The following UBQLN2 variants were observed in gnomAD, a reference collection of about 807,000 sequenced individuals.
UBQLN2 encodes ubiquilin-2.
Under a neutral mutation model 22.2 loss-of-function variants are expected in UBQLN2, and 2 were observed. That is an observed-to-expected ratio of 0.09 (90% CI 0.04 to 0.28). The LOEUF is 0.28. Among genes scored for constraint, UBQLN2 ranks in the 10% least tolerant of loss-of-function variants. The probability of loss-of-function intolerance (pLI) is 1.00; values close to 1 mark genes in which losing one functional copy is unlikely to be tolerated. For synonymous variants in UBQLN2, 252 were observed against 206.7 expected (o/e 1.22, Z -1.88); for missense variants, 446 against 505.1 (o/e 0.88, Z 1.12).
rs748203760 is a variant in UBQLN2, at chrX:56,565,586, T to C, written c.1713T>C (p.Asn571=). 3 of 1,212,018 alleles carry C rather than the reference T, an allele frequency of 2.5e-6. No individual in the cohort carries two copies. Among genetic ancestry groups the C allele is most frequent in the Non-Finnish European group, 3.3e-6 (3 of 895,596 alleles). The change falls in exon 1 of 1, where the codon AAT becomes AAC. Residue 571 remains asparagine, a synonymous_variant. Coordinates refer to ENST00000338222, the MANE Select transcript of UBQLN2 (RefSeq NM_013444.4). The part of the protein sequence containing the change: ...QQMVQALAGA[N]APQLPNPEVR... ...TGGTGCAGGCCCTGGCTGGAGCAAA[T>C]GCTCCACAGCTGCCGAATCCAGAAG...
chrX:56,566,432 G>T lies in UBQLN2; in HGVS notation c.*684G>T, dbSNP rs1047507995. The T allele has an allele frequency of 8.1e-6, 1 of 123,455 alleles. No individual in the cohort carries two copies. Among genetic ancestry groups the T allele is most frequent in the African/African-American group, 3.2e-5 (1 of 30,898 alleles). The allele number at this position is 123,455 out of a possible 1,213,427, so 10.2% of individuals were successfully genotyped here. On this transcript the variant is annotated 3_prime_UTR_variant, in exon 1 of 1. Coordinates refer to ENST00000338222, the MANE Select transcript of UBQLN2 (RefSeq NM_013444.4). ...TTACAGTAGAATCTGAGTGTAATAT[G>T]TGTAACCAAAATGAGAAAGAATACA...
rs750470322 is a variant in UBQLN2, at chrX:56,564,691, C to G, written c.818C>G (p.Thr273Ser). Residue 273 changes from threonine to serine, a missense_variant, in exon 1 of 1, where the codon ACT becomes AGT. Physicochemically the swap from Thr to Ser is moderately conservative, Grantham distance 58. Around this residue, in one of 3 missense-constraint regions of UBQLN2, gnomAD observed 129 missense variants for 198.1 expected, o/e 0.65. Transcript: ENST00000338222. ...GGYNALRRMYTDIQEPMLNAA... is the reference protein window; with the variant it reads ...GGYNALRRMYSDIQEPMLNAA... ...TATAATGCTTTACGGCGCATGTACA[C>G]TGACATTCAAGAGCCGATGCTGAAT... is the stretch of plus-strand genomic sequence containing the variant. The G allele has an allele frequency of 8.3e-6, 10 of 1,211,488 alleles. No individual in the cohort carries two copies. Among genetic ancestry groups the G allele is most frequent in the Non-Finnish European group, 1.1e-5 (10 of 895,277 alleles).
At position 56,565,028 on chromosome X, in the gene UBQLN2, T is replaced by C; in HGVS notation, c.1155T>C (p.Asn385=). 1 of 1,212,004 alleles carries C rather than the reference T, an allele frequency of 8.3e-7. No individual in the cohort carries two copies. Among genetic ancestry groups the C allele is most frequent in the Non-Finnish European group, 1.1e-6 (1 of 895,519 alleles). The change falls in exon 1 of 1, where the codon AAT becomes AAC. Residue 385 remains asparagine, a synonymous_variant. Transcript: ENST00000338222. ...QITENPQLIQ[N]MLSAPYMRSM... ...CTGAAAACCCCCAGCTGATTCAGAATATGCTGTCGGCGCCCTACATGAGAA... is the reference window on the plus strand; with the variant it reads ...CTGAAAACCCCCAGCTGATTCAGAACATGCTGTCGGCGCCCTACATGAGAA...
In UBQLN2 at chrX:56,567,448, G is replaced by T. The variant is rs2068648018; in HGVS notation, c.*1700G>T. ...TCTCTTAAATTGATATGACTGTGAG[G>T]ACTACAGAATTGCATTGCTTTCCAG... On this transcript the variant is annotated 3_prime_UTR_variant, in exon 1 of 1. Transcript: ENST00000338222. 8.1e-6 allele frequency: 1 copy of T among 122,986 alleles called. No individual in the cohort carries two copies. The highest frequency in any genetic ancestry group is 3.3e-5 in the African/African-American group (1 of 30,728). 10.1% of individuals were successfully genotyped at this position (122,986 alleles called of 1,213,427 possible). A position where few individuals can be genotyped will look rare whatever the true frequency, so the allele number is the denominator to read the frequency against.
chrX:56,563,935 A>C lies in UBQLN2; in HGVS notation c.62A>C (p.Gln21Pro). Reference protein sequence around the residue: ...PRPSRGPAAAQGSAAAPAEPK... With the variant: ...PRPSRGPAAAPGSAAAPAEPK... ...CCCTCCCGCGGCCCTGCTGCGGCCC[A>C]AGGCTCGGCTGCTGCCCCGGCTGAG... Residue 21 changes from glutamine (Q) to proline (P), a missense_variant, in exon 1 of 1, where the codon CAA becomes CCA. Physicochemically the swap from Gln to Pro is moderately conservative, Grantham distance 76. Around this residue, in one of 3 missense-constraint regions of UBQLN2, gnomAD observed 39 missense variants for 27.6 expected, o/e 1.41. Transcript: ENST00000338222. 1 of 1,159,579 alleles carries C rather than the reference A, an allele frequency of 8.6e-7. No individual in the cohort carries two copies. Among genetic ancestry groups the C allele is most frequent in the East Asian group, 3.2e-5 (1 of 31,407 alleles).
Position 56,565,400 on chromosome X carries a change from C to A in UBQLN2, c.1527C>A (p.Pro509=), listed in dbSNP as rs749262406. ...TAGGCCCTATAGTCCCTTTTACCCCCATAGGCCCCATTGGGCCCATAGGAC... is the reference window on the plus strand; with the variant it reads ...TAGGCCCTATAGTCCCTTTTACCCCAATAGGCCCCATTGGGCCCATAGGAC... The part of the protein sequence containing the change: ...GPIGPIVPFT[P]IGPIGPIGPT... The change falls in exon 1 of 1, where the codon CCC becomes CCA. Residue 509 remains proline, a synonymous_variant. Coordinates refer to ENST00000338222, the MANE Select transcript of UBQLN2 (RefSeq NM_013444.4). 1 of 1,196,045 alleles carries A rather than the reference C, an allele frequency of 8.4e-7. No homozygotes were observed. Among genetic ancestry groups the A allele is most frequent in the South Asian group, 1.8e-5 (1 of 55,252 alleles).
chrX:56,564,859 C>G lies in UBQLN2; in HGVS notation c.986C>G (p.Ser329Cys). The G allele has an allele frequency of 1.7e-6, 2 of 1,211,432 alleles. No individual in the cohort carries two copies. The highest frequency in any genetic ancestry group is 2.2e-6 in the Non-Finnish European group (2 of 895,342). Residue 329 changes from serine (S) to cysteine (C), a missense_variant, in exon 1 of 1, where the codon TCT becomes TGT. By Grantham distance (112) the Ser-to-Cys change is moderately radical (BLOSUM62 -1). Coordinates refer to ENST00000338222, the MANE Select transcript of UBQLN2 (RefSeq NM_013444.4). ...PWAPPPATQS[S>C]ATTSTTTSTG... ...GCACCACCGCCAGCTACCCAGAGTT[C>G]TGCAACTACCAGCACGACCACAAGC... is the stretch of plus-strand genomic sequence containing the variant.
rs2068627335 is a variant in UBQLN2 at position 56,563,804 on chromosome X, C to T, written c.-70C>T. ...CCGCTGCGGCGGTGCCTCCTTCCTTCCTCCTTCCCTCGCGCTCTCTCTTTC... is the reference window on the plus strand; with the variant it reads ...CCGCTGCGGCGGTGCCTCCTTCCTTTCTCCTTCCCTCGCGCTCTCTCTTTC... On this transcript the variant is annotated 5_prime_UTR_variant, in exon 1 of 1. Coordinates refer to ENST00000338222, the MANE Select transcript of UBQLN2 (RefSeq NM_013444.4). 1.1e-6 allele frequency: 1 copy of T among 884,863 alleles called. No homozygotes were observed. The highest frequency in any genetic ancestry group is 2.4e-5 in the South Asian group (1 of 40,995). The allele number at this position is 884,863 out of a possible 1,213,427, so 72.9% of individuals were successfully genotyped here. A position where few individuals can be genotyped will look rare whatever the true frequency, so the allele number is the denominator to read the frequency against.
In UBQLN2 at chrX:56,566,877, G is replaced by A. The variant is rs928766665; in HGVS notation, c.*1129G>A. The A allele has an allele frequency of 8.2e-6, 1 of 122,517 alleles. No homozygotes were observed. The highest frequency in any genetic ancestry group is 9.5e-5 in the Admixed American group (1 of 10,524). The allele number at this position is 122,517 out of a possible 1,213,427, so 10.1% of individuals were successfully genotyped here. A position where few individuals can be genotyped will look rare whatever the true frequency, so the allele number is the denominator to read the frequency against. ...GAAAGTGTGTCTTTTGACTTCATCA[G>A]TTATTTCTCTTGTGCACAGAGAAAA... On this transcript the variant is annotated 3_prime_UTR_variant, in exon 1 of 1. Coordinates refer to ENST00000338222, the MANE Select transcript of UBQLN2 (RefSeq NM_013444.4).
Position 56,565,433 on chromosome X carries a change from C to T in UBQLN2, c.1560C>T (p.Gly520=). 1.7e-6 allele frequency: 2 copies of T among 1,193,410 alleles called. No individual in the cohort carries two copies. Among genetic ancestry groups the T allele is most frequent in the East Asian group, 6.1e-5 (2 of 32,781 alleles). The change falls in exon 1 of 1, where the codon GGC becomes GGT. Residue 520 remains glycine, a synonymous_variant. Transcript: ENST00000338222. ...IGPIGPIGPT[G]PAAPPGSTGS... ...CCATTGGGCCCATAGGACCCACTGG[C>T]CCTGCAGCCCCCCCTGGCTCCACCG...
In UBQLN2 at chrX:56,563,793, C is replaced by T; in HGVS notation, c.-81C>T. Reference sequence around the variant, plus strand: ...CCCGGCCCAGCCCGCTGCGGCGGTGCCTCCTTCCTTCCTCCTTCCCTCGCG... The same window carrying T: ...CCCGGCCCAGCCCGCTGCGGCGGTGTCTCCTTCCTTCCTCCTTCCCTCGCG... On this transcript the variant is annotated 5_prime_UTR_variant, in exon 1 of 1. Transcript: ENST00000338222. The T allele has an allele frequency of 1.3e-6, 1 of 792,109 alleles. No homozygotes were observed. Among genetic ancestry groups the T allele is most frequent in the South Asian group, 2.6e-5 (1 of 38,941 alleles). 65.3% of individuals were successfully genotyped at this position (792,109 alleles called of 1,213,427 possible).
rs1442247719 is a variant in UBQLN2, at chrX:56,567,569, T to C, written c.*1821T>C. 4 of 122,886 alleles carry C rather than the reference T, an allele frequency of 3.3e-5. No homozygotes were observed. Among genetic ancestry groups the C allele is most frequent in the Non-Finnish European group, 7.5e-5 (4 of 53,118 alleles). 10.1% of individuals were successfully genotyped at this position (122,886 alleles called of 1,213,427 possible). A position where few individuals can be genotyped will look rare whatever the true frequency, so the allele number is the denominator to read the frequency against. On this transcript the variant is annotated 3_prime_UTR_variant, in exon 1 of 1. Coordinates refer to ENST00000338222, the MANE Select transcript of UBQLN2 (RefSeq NM_013444.4). Reference sequence around the variant, plus strand: ...TTGTAATAAATATGTTCCTAGGTAATACAGACATACAGGGAACACGTTGAT... The same window carrying C: ...TTGTAATAAATATGTTCCTAGGTAACACAGACATACAGGGAACACGTTGAT...
chrX:56,565,353 C>T lies in UBQLN2; in HGVS notation c.1480C>T (p.Pro494Ser). ...VLGTAIGPVG[P>S]VTPIGPIGPI... ...GGGAACCGCTATAGGCCCTGTAGGC[C>T]CAGTCACCCCCATAGGCCCCATAGG... The change falls in exon 1 of 1, where the codon CCA (proline) becomes TCA (serine). Residue 494 changes from proline (P) to serine (S), a missense_variant. This residue lies in a region of UBQLN2 where 278 missense variants were observed against 279.4 expected (regional missense o/e 1.00). Coordinates refer to ENST00000338222, the MANE Select transcript of UBQLN2 (RefSeq NM_013444.4). 8.3e-7 allele frequency: 1 copy of T among 1,206,636 alleles called. No individual in the cohort carries two copies. Among genetic ancestry groups the T allele is most frequent in the Non-Finnish European group, 1.1e-6 (1 of 892,695 alleles).
At position 56,565,872 on chromosome X, in the gene UBQLN2, A is replaced by G; in HGVS notation, c.*124A>G. 1.4e-6 allele frequency: 1 copy of G among 720,380 alleles called. No homozygotes were observed. Among genetic ancestry groups the G allele is most frequent in the Non-Finnish European group, 2.1e-6 (1 of 474,527 alleles). 59.4% of individuals were successfully genotyped at this position (720,380 alleles called of 1,213,427 possible). A position where few individuals can be genotyped will look rare whatever the true frequency, so the allele number is the denominator to read the frequency against. ...ATTCTTTTAAATCTGTCTAGTTGTA[A>G]GTCTAATATGATGCATTTTAAGATG... On this transcript the variant is annotated 3_prime_UTR_variant, in exon 1 of 1. Transcript: ENST00000338222.
In UBQLN2 at chrX:56,564,916, A is replaced by G. The variant is rs1470922571; in HGVS notation, c.1043A>G (p.Asn348Ser). The G allele has an allele frequency of 6.6e-6, 8 of 1,209,145 alleles. No individual in the cohort carries two copies. The highest frequency in any genetic ancestry group is 8.9e-6 in the Non-Finnish European group (8 of 894,823). ...AGTGGGTCTGGCAATAGTTCCAGCA[A>G]TGCTACTGGGAACACCGTTGCTGCC... ...TGSGSGNSSSNATGNTVAAAN... is the reference protein window; with the variant it reads ...TGSGSGNSSSSATGNTVAAAN... The change falls in exon 1 of 1, where the codon AAT becomes AGT. Residue 348 changes from asparagine to serine, a missense_variant. Physicochemically the swap from Asn to Ser is conservative, Grantham distance 46. This residue lies in a region of UBQLN2 where 278 missense variants were observed against 279.4 expected (regional missense o/e 1.00). Transcript: ENST00000338222.
Position 56,564,510 on chromosome X carries a change from C to G in UBQLN2, c.637C>G (p.Gln213Glu). 1 of 1,211,696 alleles carries G rather than the reference C, an allele frequency of 8.3e-7. No homozygotes were observed. Among genetic ancestry groups the G allele is most frequent in the Non-Finnish European group, 1.1e-6 (1 of 895,510 alleles). ...CATTATGGCTAATCCACAGATGCAG[C>G]AATTGATTCAGAGAAACCCAGAAAT... ...QLIMANPQMQQLIQRNPEISH... is the reference protein window; with the variant it reads ...QLIMANPQMQELIQRNPEISH... The change falls in exon 1 of 1, where the codon CAA (glutamine) becomes GAA (glutamate). Residue 213 changes from glutamine to glutamate, a missense_variant. By Grantham distance (29) the Gln-to-Glu change is conservative. Coordinates refer to ENST00000338222, the MANE Select transcript of UBQLN2 (RefSeq NM_013444.4).
At position 56,563,794 on chromosome X, in the gene UBQLN2, C is replaced by T; in HGVS notation, c.-80C>T. ...CCGGCCCAGCCCGCTGCGGCGGTGCCTCCTTCCTTCCTCCTTCCCTCGCGC... is the reference window on the plus strand; with the variant it reads ...CCGGCCCAGCCCGCTGCGGCGGTGCTTCCTTCCTTCCTCCTTCCCTCGCGC... On this transcript the variant is annotated 5_prime_UTR_variant, in exon 1 of 1. Transcript: ENST00000338222. The T allele has an allele frequency of 1.2e-6, 1 of 813,635 alleles. No homozygotes were observed. Among genetic ancestry groups the T allele is most frequent in the South Asian group, 2.5e-5 (1 of 39,412 alleles). 67.1% of individuals were successfully genotyped at this position (813,635 alleles called of 1,213,427 possible).
At position 56,565,806 on chromosome X, in the gene UBQLN2, C is replaced by A; in HGVS notation, c.*58C>A. ...TTATTTTTGATAATGGCTCTTAAATCTTTAAACACACACACAAAATCGTTC... is the reference window on the plus strand; with the variant it reads ...TTATTTTTGATAATGGCTCTTAAATATTTAAACACACACACAAAATCGTTC... On this transcript the variant is annotated 3_prime_UTR_variant, in exon 1 of 1. Transcript: ENST00000338222. 3.9e-6 allele frequency: 4 copies of A among 1,019,474 alleles called. No homozygotes were observed. Among genetic ancestry groups the A allele is most frequent in the Non-Finnish European group, 5.4e-6 (4 of 737,202 alleles). 84.0% of individuals were successfully genotyped at this position (1,019,474 alleles called of 1,213,427 possible).
chrX:56,564,404 C>A lies in UBQLN2; in HGVS notation c.531C>A (p.Ala177=). The A allele has an allele frequency of 3.3e-6, 4 of 1,211,740 alleles. No homozygotes were observed. Among genetic ancestry groups the A allele is most frequent in the Non-Finnish European group, 4.5e-6 (4 of 895,556 alleles). ...LQSQMQQQLM[A]SPEMMIQIME... is the part of the protein sequence containing the mutation. ...GCCAGATGCAGCAGCAGCTTATGGC[C>A]AGCCCTGAGATGATGATCCAAATAA... Residue 177 remains alanine (A), a synonymous_variant, in exon 1 of 1, where the codon GCC becomes GCA. Transcript: ENST00000338222.
Sources: allele counts gnomAD v4.1 joint callset, GRCh38; gene constraint gnomAD v4.1.1; regional missense constraint gnomAD v4.1.1; transcripts MANE v1.5; gene names NCBI Gene and HGNC (gene_info 2026-07-23, HGNC 2026-07-21).